GRXCR1: variants seen among roughly 807,000 people sequenced by gnomAD.
GRXCR1 encodes glutaredoxin domain-containing cysteine-rich protein 1.
A neutral mutation model predicts 27.3 loss-of-function variants in GRXCR1; 27 were observed. The ratio of observed to expected loss-of-function variants is 0.99; its 90% CI spans 0.73 to 1.37. The LOEUF is 1.37. Among genes scored for constraint, GRXCR1 ranks in the 40% most tolerant of loss-of-function variants. The pLI is 0.00. For synonymous variants in GRXCR1, 122 were observed against 131.1 expected (o/e 0.93, Z 0.47); for missense variants, 379 against 354.4 (o/e 1.07, Z -0.56).
At chr4:43,026,106 A>C (rs1460892369) in intron 3 of GRXCR1, among the ~76,000 whole-genome samples, 1 of 152,168 alleles carries the variant, frequency 6.6e-6, no homozygotes, top group East Asian at 1.9e-4. Flanking sequence ...AGTCTGTTTC[A>C]TCAACTTCAG....
At chr4:42,928,794 GT>G (rs1009352984) in intron 1 of GRXCR1, among the ~76,000 whole-genome samples, 3 of 151,930 alleles carry the variant, frequency 2.0e-5, no homozygotes, top group Admixed American at 6.6e-5. Context: ...GTGGTCCCTA[GT>G]TGTCTGATCC....
At chr4:42,994,137 A>G (rs569749718) in intron 2 of GRXCR1, among the ~76,000 whole-genome samples, 46 of 152,140 alleles carry the variant, frequency 3.0e-4, no homozygotes, top group Non-Finnish European at 4.9e-4. Context: ...GTTCTTGCAG[A>G]TTAGCAACAA....
intron 1 of GRXCR1, among the ~76,000 whole-genome samples, chr4:42,912,434 T>C (rs184266344): frequency 8.5e-5 from 13 of 152,308 alleles, no homozygotes; most frequent in Admixed American, 6.5e-4. Flanking sequence ...GTATGTGAAC[T>C]TGAACCCTTT....
chr4:42,895,102 CA>C (rs1460840703), intron 1 of GRXCR1, among the ~76,000 whole-genome samples: 1 of 152,000 alleles, frequency 6.6e-6, no homozygotes, highest in Non-Finnish European at 1.5e-5. Flanking sequence ...TTAAAACCTA[CA>C]AGAGAAAAAC....
chr4:42,994,034 G>A (rs1026297795), intron 2 of GRXCR1, among the ~76,000 whole-genome samples: 5 of 152,132 alleles, frequency 3.3e-5, no homozygotes, highest in African/African-American at 1.2e-4. Context: ...AGGAAGAAAT[G>A]TTTTATAGGA....
intron 1 of GRXCR1, among the ~76,000 whole-genome samples, chr4:42,920,263 C>T (rs986522893): frequency 6.6e-6 from 1 of 152,056 alleles, no homozygotes; most frequent in Non-Finnish European, 1.5e-5. Context: ...GAGTATATAC[C>T]ATTGAGGAGT....
intron 1 of GRXCR1, among the ~76,000 whole-genome samples, chr4:42,914,960 C>G (rs554201236): frequency 2.0e-5 from 3 of 152,048 alleles, no homozygotes; most frequent in Admixed American, 2.0e-4. Flanking sequence ...AGGTGTCTTC[C>G]ACCATGATTG....
At chr4:43,003,214 G>A (rs746113558) in intron 2 of GRXCR1, among the ~76,000 whole-genome samples, 3 of 152,116 alleles carry the variant, frequency 2.0e-5, no homozygotes, top group Non-Finnish European at 4.4e-5. Context: ...TTATAGAAGT[G>A]TGAGAATGCA....
At chr4:43,019,787 C>G (rs1713041226) in intron 2 of GRXCR1, among the ~76,000 whole-genome samples, 1 of 152,156 alleles carries the variant, frequency 6.6e-6, no homozygotes, top group Non-Finnish European at 1.5e-5. Flanking sequence ...GTTATTTAAT[C>G]TCACTGAGGC....
chr4:42,943,290 A>G (rs377452869), intron 1 of GRXCR1, among the ~76,000 whole-genome samples: 6 of 152,150 alleles, frequency 3.9e-5, no homozygotes, highest in African/African-American at 1.2e-4. Context: ...AAATTTGTGT[A>G]TATAAATTAG....
At chr4:42,957,096 T>C (rs1462967184) in intron 1 of GRXCR1, among the ~76,000 whole-genome samples, 1 of 152,078 alleles carries the variant, frequency 6.6e-6, no homozygotes, top group Non-Finnish European at 1.5e-5. Flanking sequence ...AAGATCTTTG[T>C]ACTTGCATGA....
At chr4:42,937,000 G>T (rs1330368125) in intron 1 of GRXCR1, among the ~76,000 whole-genome samples, 1 of 151,824 alleles carries the variant, frequency 6.6e-6, no homozygotes, top group African/African-American at 2.4e-5. Flanking sequence ...TTGGAAAGAA[G>T]TCATTCAGCT....
chr4:43,012,231 A>G (rs778323995), intron 2 of GRXCR1, among the ~76,000 whole-genome samples: 3 of 152,222 alleles, frequency 2.0e-5, no homozygotes, highest in Non-Finnish European at 4.4e-5. Flanking sequence ...GCTAGGCTGA[A>G]GAACACTTTA....
At chr4:43,029,607 G>A (rs769312053) in intron 3 of GRXCR1, among the ~76,000 whole-genome samples, 4 of 151,960 alleles carry the variant, frequency 2.6e-5, no homozygotes, top group Non-Finnish European at 5.9e-5. Flanking sequence ...ACACACTATC[G>A]GGCTATTTTC....
chr4:42,952,253 A>C (rs1376966482), intron 1 of GRXCR1, among the ~76,000 whole-genome samples: 4 of 152,170 alleles, frequency 2.6e-5, no homozygotes, highest in Non-Finnish European at 5.9e-5. Context: ...AGTATCAGTT[A>C]GTTGTTGGTT....
At chr4:42,993,850 G>A (rs1045484822) in intron 2 of GRXCR1, among the ~76,000 whole-genome samples, 1 of 152,066 alleles carries the variant, frequency 6.6e-6, no homozygotes, top group African/African-American at 2.4e-5. Context: ...ATAAGTATCA[G>A]CAATTGTGCT....
At chr4:42,987,814 A>G (rs770353793) in intron 2 of GRXCR1, among the ~76,000 whole-genome samples, 3 of 152,228 alleles carry the variant, frequency 2.0e-5, no homozygotes, top group Admixed American at 1.3e-4. Flanking sequence ...AGATCAATTT[A>G]GATCTCTACA....
At chr4:42,905,822 C>T (rs1746575723) in intron 1 of GRXCR1, among the ~76,000 whole-genome samples, 1 of 152,088 alleles carries the variant, frequency 6.6e-6, no homozygotes, top group African/African-American at 2.4e-5. Context: ...TGTAAGAGGG[C>T]AGGAATGTAT....
intron 2 of GRXCR1, among the ~76,000 whole-genome samples, chr4:42,973,247 C>G (rs1002090632): frequency 2.0e-5 from 3 of 152,072 alleles, no homozygotes; most frequent in Non-Finnish European, 4.4e-5. Context: ...AATCCCCAAA[C>G]CATAACAAAG....
Sources: allele counts gnomAD v4.1 joint callset (sites outside exome capture counted in the v4.1 genomes callset), GRCh38; gene constraint gnomAD v4.1.1; transcripts MANE v1.5; gene names NCBI Gene and HGNC (gene_info 2026-07-23, HGNC 2026-07-21).